Variants in MICAL2 observed in about 807,000 individuals in gnomAD.
MICAL2 encodes [F-actin]-monooxygenase MICAL2.
A neutral mutation model predicts 127.3 loss-of-function variants in MICAL2; 77 were observed. That is an observed-to-expected ratio of 0.60 (90% CI 0.50 to 0.73). The LOEUF (loss-of-function observed/expected upper bound fraction) is 0.73. Ranked by LOEUF, MICAL2 falls within the 30% of genes least tolerant of loss-of-function variation. The pLI, the probability that MICAL2 is intolerant of heterozygous loss-of-function variation, is 0.00. For missense variants in MICAL2, 1,351 were observed against 1,434.4 expected (o/e 0.94, Z 0.94); for synonymous variants, 570 against 551.1 (o/e 1.03, Z -0.48).
At chr11:12,327,322 G>A (rs925425989) in intron 32 of MICAL2, 24 of 1,428,226 alleles carry the variant, frequency 1.7e-5, no homozygotes, top group South Asian at 5.3e-5. Context: ...TAGTGCTAGC[G>A]TAACCATCTG....
At chr11:12,192,976 G>A (rs545284185) in intron 3 of MICAL2, among the ~76,000 whole-genome samples, 151 of 152,278 alleles carry the variant, frequency 9.9e-4, no homozygotes, top group Non-Finnish European at 9.3e-4. Flanking sequence ...GAGAACTGAC[G>A]TCAGAGGTAA....
At chr11:12,236,303 C>CA in intron 16 of MICAL2, 58 bp downstream of exon 16, 1 of 1,495,860 alleles carries the variant, frequency 6.7e-7, no homozygotes, top group Non-Finnish European at 9.3e-7. Flanking sequence ...CCAGTGGCCA[C>CA]AGGCAGCCTC....
chr11:12,144,419 T>A (rs1852675026), intron 2 of MICAL2, among the ~76,000 whole-genome samples: 1 of 152,220 alleles, frequency 6.6e-6, no homozygotes, highest in Non-Finnish European at 1.5e-5. Flanking sequence ...TGTTGGAGTT[T>A]GGGGCTGGTG....
chr11:12,194,454 TA>T (rs1341784394), intron 3 of MICAL2, among the ~76,000 whole-genome samples: 2 of 152,182 alleles, frequency 1.3e-5, no homozygotes, highest in African/African-American at 2.4e-5. Flanking sequence ...ACTAAGCAAC[TA>T]AAAAAGAGAA....
downstream of MICAL2, among the ~76,000 whole-genome samples, chr11:12,266,368 T>C (rs1041672081): frequency 6.6e-6 from 1 of 151,394 alleles, no homozygotes; most frequent in Non-Finnish European, 1.5e-5. Flanking sequence ...GCAACTTGAA[T>C]GTGTAAGTCG....
chr11:12,316,529 T>C (rs2134832929), intron 29 of MICAL2, among the ~76,000 whole-genome samples: 1 of 152,278 alleles, frequency 6.6e-6, no homozygotes, highest in East Asian at 1.9e-4. Context: ...GCAACTTTAC[T>C]GATTTATTAT....
downstream of MICAL2, among the ~76,000 whole-genome samples, chr11:12,290,253 C>G (rs968913390): frequency 6.6e-6 from 1 of 152,104 alleles, no homozygotes; most frequent in Non-Finnish European, 1.5e-5. Flanking sequence ...GAGAAAGAGA[C>G]CCCCTAGCAG....
chr11:12,348,409 C>T lies in MICAL2; in HGVS notation c.5516-1429C>T, dbSNP rs118151762. Among the ~76,000 whole-genome samples, 1,353 of 152,188 alleles carry T rather than the reference C, an allele frequency of 8.9e-3. 10 individuals are homozygous for T. Among genetic ancestry groups the T allele is most frequent in the Non-Finnish European group, 0.015 (1,020 of 68,010 alleles). ...TTGAGGAACCCACAGATTTGAAGAGCTGACCATACTGTGTCATTATATATA... is the reference window on the plus strand; with the variant it reads ...TTGAGGAACCCACAGATTTGAAGAGTTGACCATACTGTGTCATTATATATA... On this transcript the variant is annotated intron_variant, in intron 32 of 34. Coordinates refer to the MICAL2 transcript ENST00000646065.
intron 3 of MICAL2, among the ~76,000 whole-genome samples, chr11:12,201,432 C>A (rs1054071309): frequency 6.0e-5 from 9 of 151,132 alleles, no homozygotes; most frequent in Admixed American, 5.9e-4. Context: ...TGATCTCAAG[C>A]AGAAGGGCAG....
At chr11:12,259,769 T>A (rs377120143) in intron 25 of MICAL2, 26 bp from the exon 26 acceptor site, 65 of 1,519,472 alleles carry the variant, frequency 4.3e-5, no homozygotes, top group Non-Finnish European at 5.5e-5. Context: ...TACAGACAAA[T>A]GCCCTCATTT....
At chr11:12,122,652 G>T (rs1302761183) in intron 1 of MICAL2, among the ~76,000 whole-genome samples, 1 of 152,072 alleles carries the variant, frequency 6.6e-6, no homozygotes, top group African/African-American at 2.4e-5. Flanking sequence ...CAAGTGATCT[G>T]CCTGCCTCAG....
At chr11:12,304,484 A>G (rs1377581889) in intron 29 of MICAL2, among the ~76,000 whole-genome samples, 1 of 152,086 alleles carries the variant, frequency 6.6e-6, no homozygotes, top group African/African-American at 2.4e-5. Context: ...TACAAAAAAA[A>G]ATTAGCCGGG....
Position 12,116,027 on chromosome 11 carries a change from C to T in MICAL2, c.-149+5301C>T, listed in dbSNP as rs149314652. Among the ~76,000 whole-genome samples, 27 of 145,734 alleles carry T rather than the reference C, an allele frequency of 1.9e-4. No homozygotes were observed. In the East Asian group the frequency reaches 5.5e-3, roughly 30 times the overall value. On this transcript the variant is annotated intron_variant, in intron 1 of 27. Transcript: ENST00000683283. ...ATGGAGTCTCGCTCTTTCACCCAGG[C>T]TGGAGTGCAGTGGGGCCATCTTGGC...
intron 3 of MICAL2, among the ~76,000 whole-genome samples, chr11:12,196,823 A>G (rs1323603597): frequency 6.6e-6 from 1 of 150,450 alleles, no homozygotes; most frequent in Admixed American, 6.6e-5. Flanking sequence ...TTCTTTCTCT[A>G]CTCTCCTGGT....
intron 26 of MICAL2, 101 bp from the exon 27 acceptor site, chr11:12,262,379 T>C: frequency 1.9e-6 from 3 of 1,583,338 alleles, no homozygotes; most frequent in Non-Finnish European, 2.6e-6. Flanking sequence ...TATTTTCAAC[T>C]CCGGTGCCTT....
At chr11:12,278,076 G>A (rs1230615261) in intron 1 of MICAL2, among the ~76,000 whole-genome samples, 1 of 152,172 alleles carries the variant, frequency 6.6e-6, no homozygotes, top group East Asian at 1.9e-4. Flanking sequence ...AAGTTGCTCT[G>A]GGTGAGTGAG....
intron 10 of MICAL2, among the ~76,000 whole-genome samples, chr11:12,222,157 C>T (rs1452098756): frequency 1.3e-5 from 2 of 152,210 alleles, no homozygotes; most frequent in Non-Finnish European, 2.9e-5. Flanking sequence ...TCTCACACCA[C>T]TGAGATCCTG....
chr11:12,185,481 C>CATG (rs978293549), intron 3 of MICAL2, among the ~76,000 whole-genome samples: 2 of 152,108 alleles, frequency 1.3e-5, no homozygotes, highest in African/African-American at 4.8e-5. Flanking sequence ...TTCCCATCCC[C>CATG]ATGACAGGAT....
chr11:12,298,600 A>G lies in MICAL2; in HGVS notation c.5212+3743A>G, dbSNP rs184120937. Among the ~76,000 whole-genome samples the G allele has an allele frequency of 3.8e-3, 584 of 152,252 alleles. 3 individuals are homozygous for G. Among genetic ancestry groups the G allele is most frequent in the Non-Finnish European group, 5.4e-3 (364 of 67,996 alleles). On this transcript the variant is annotated intron_variant, in intron 29 of 34. Coordinates refer to the MICAL2 transcript ENST00000646065. ...TGAGAATGCTGCTGGTGTTTTTCCCAGTTAAGCATGGTAACTGGCTTCTGG... is the reference window on the plus strand; with the variant it reads ...TGAGAATGCTGCTGGTGTTTTTCCCGGTTAAGCATGGTAACTGGCTTCTGG...
Sources: gnomAD v4.1 joint callset for allele counts (sites outside exome capture counted in the v4.1 genomes callset) on GRCh38, gnomAD v4.1.1 for gene constraint, MANE v1.5 for transcripts, NCBI Gene and HGNC (gene_info 2026-07-23, HGNC 2026-07-21) for gene names.